The following ZDHHC17 variants were observed in gnomAD, a reference collection of about 807,000 sequenced individuals.
ZDHHC17 encodes palmitoyltransferase ZDHHC17.
ZDHHC17 carries 40 observed loss-of-function variants against 90.3 expected under a neutral mutation model. That is an observed-to-expected ratio of 0.44 (90% CI 0.34 to 0.58). The LOEUF (loss-of-function observed/expected upper bound fraction) is 0.58, where lower values mean the gene tolerates loss of function less well. ZDHHC17 is among the 20% of genes least tolerant of loss of function. The pLI, the probability that ZDHHC17 is intolerant of heterozygous loss-of-function variation, is 0.01. For synonymous variants in ZDHHC17, 235 were observed against 252.4 expected, an observed-to-expected ratio of 0.93 and a Z score of 0.65; for missense variants, 614 against 780.8, an observed-to-expected ratio of 0.79 and a Z score of 2.55.
chr12:76,848,158 G>A, intron 14 of ZDHHC17, 75 bp from the exon 15 acceptor site: 1 of 1,500,412 alleles, frequency 6.7e-7, no homozygotes, highest in Non-Finnish European at 9.1e-7. Context: ...TTTCTAAATG[G>A]TGCCAGCACA....
At chr12:76,802,389 C>T (rs553523477) in intron 2 of ZDHHC17, among the ~76,000 whole-genome samples, 6 of 152,298 alleles carry the variant, frequency 3.9e-5, no homozygotes, top group African/African-American at 1.4e-4. Context: ...CTGTCTTTGT[C>T]TTTCAAAAGT....
rs182741019 is a variant in ZDHHC17 at position 76,813,017 on chromosome 12, A to G, written c.544-2129A>G. 1.3e-5 allele frequency among the ~76,000 whole-genome samples: 2 copies of G among 152,228 alleles called. 1 individual carries two copies. Among genetic ancestry groups the G allele is most frequent in the African/African-American group, 4.8e-5 (2 of 41,564 alleles). On this transcript the variant is annotated intron_variant, in intron 5 of 16. Coordinates refer to ENST00000426126, the MANE Select transcript of ZDHHC17 (RefSeq NM_015336.4). ...CCAAGTTTTAAATCCCGACCCAAAG[A>G]GAGAAAAGGTTGAATTTCATTTTTC...
intron 1 of ZDHHC17, among the ~76,000 whole-genome samples, chr12:76,778,869 C>G (rs143037515): frequency 3.0e-4 from 46 of 152,242 alleles, no homozygotes; most frequent in African/African-American, 1.1e-3. Flanking sequence ...GTTTTGGAGG[C>G]TAGAAGTCCA....
At chr12:76,783,161 G>A (rs1952646570) in intron 1 of ZDHHC17, among the ~76,000 whole-genome samples, 1 of 152,170 alleles carries the variant, frequency 6.6e-6, no homozygotes. Flanking sequence ...AGAGCCCAAG[G>A]TTAGGTTTCT....
In ZDHHC17 at chr12:76,850,854, T is replaced by C. The variant is rs1953558255; in HGVS notation, c.1768T>C (p.Cys590Arg). The change falls in exon 17 of 17, where the codon TGT becomes CGT. Residue 590 changes from cysteine to arginine, a missense_variant. Coordinates refer to ENST00000426126, the MANE Select transcript of ZDHHC17 (RefSeq NM_015336.4). ...TTGGGGTGCTGTTTTTAGCCATGGATGTGTAAGAAATATTATAGACTTCTT... is the reference window on the plus strand; with the variant it reads ...TTGGGGTGCTGTTTTTAGCCATGGACGTGTAAGAAATATTATAGACTTCTT... ...TSIESPFNHG[C>R]VRNIIDFFEF... 1 of 1,613,640 alleles carries C rather than the reference T, an allele frequency of 6.2e-7. No individual in the cohort carries two copies. The highest frequency in any genetic ancestry group is 8.5e-7 in the Non-Finnish European group (1 of 1,179,802).
At chr12:76,801,268 A>G (rs751131906) in intron 2 of ZDHHC17, among the ~76,000 whole-genome samples, 14 of 151,284 alleles carry the variant, frequency 9.3e-5, no homozygotes, top group South Asian at 2.1e-4. Flanking sequence ...GTTTAGTTCA[A>G]TTTTTGTAGT....
chr12:76,764,896 T>TA, intron 1 of ZDHHC17: 1 of 455,404 alleles, frequency 2.2e-6, no homozygotes, highest in East Asian at 6.9e-5. Flanking sequence ...AGAAGAGAGG[T>TA]AAAAACTTTT....
chr12:76,804,248 G>T (rs1292188705), intron 2 of ZDHHC17, among the ~76,000 whole-genome samples: 2 of 152,148 alleles, frequency 1.3e-5, no homozygotes, highest in African/African-American at 4.8e-5. Context: ...TGTGTGAGGG[G>T]ACTAGCACAG....
intron 1 of ZDHHC17, among the ~76,000 whole-genome samples, chr12:76,775,024 C>T (rs964000296): frequency 1.3e-5 from 2 of 152,190 alleles, no homozygotes; most frequent in East Asian, 1.9e-4. Flanking sequence ...AGGTGGGTTT[C>T]GCCATGTTGG....
At chr12:76,823,515 A>G (rs1953191061) in intron 8 of ZDHHC17, among the ~76,000 whole-genome samples, 1 of 152,216 alleles carries the variant, frequency 6.6e-6, no homozygotes, top group Non-Finnish European at 1.5e-5. Context: ...GAGTTTCTTT[A>G]TGTACCTAAA....
chr12:76,816,763 A>G (rs541577504), intron 7 of ZDHHC17, among the ~76,000 whole-genome samples: 4 of 152,200 alleles, frequency 2.6e-5, no homozygotes, highest in African/African-American at 9.6e-5. Context: ...GAGGAGAAGG[A>G]TAAACTTCTA....
At chr12:76,768,848 C>G (rs1227686951) in intron 1 of ZDHHC17, among the ~76,000 whole-genome samples, 2 of 152,122 alleles carry the variant, frequency 1.3e-5, no homozygotes, top group Non-Finnish European at 2.9e-5. Flanking sequence ...TTATCTAGGG[C>G]TTTCATCTCT....
intron 16 of ZDHHC17, chr12:76,849,796 T>C (rs1953541230): frequency 6.0e-6 from 1 of 167,646 alleles, no homozygotes; most frequent in Non-Finnish European, 1.3e-5. Flanking sequence ...TCAGCTTTTG[T>C]GGTGCTGTCA....
At chr12:76,764,354 C>A in intron 1 of ZDHHC17, 25 bp downstream of exon 1, 1 of 1,554,534 alleles carries the variant, frequency 6.4e-7, no homozygotes, top group East Asian at 2.4e-5. Flanking sequence ...TGAGTGGATT[C>A]CTTGCCCTGC....
chr12:76,819,329 T>C (rs1208257862), intron 7 of ZDHHC17, among the ~76,000 whole-genome samples: 3 of 152,216 alleles, frequency 2.0e-5, no homozygotes, highest in African/African-American at 7.2e-5. Flanking sequence ...AAAAAATACC[T>C]AGAATATTTG....
rs560680204 is a variant in ZDHHC17, at chr12:76,852,146, A to T, written c.*1161A>T. The T allele has an allele frequency of 2.6e-5, 4 of 152,648 alleles. No homozygotes were observed. Among genetic ancestry groups the T allele is most frequent in the African/African-American group, 9.6e-5 (4 of 41,464 alleles). 9.5% of individuals were successfully genotyped at this position (152,648 alleles called of 1,614,324 possible). A position where few individuals can be genotyped will look rare whatever the true frequency, so the allele number is the denominator to read the frequency against. ...TTTGTTAAATGTGATGCACTGATCA[A>T]TTTTTGTCACAGCATTTTCATACCT... On this transcript the variant is annotated 3_prime_UTR_variant, in exon 17 of 17. Transcript: ENST00000426126.
chr12:76,772,728 G>A (rs1368785663), intron 1 of ZDHHC17, among the ~76,000 whole-genome samples: 1 of 135,824 alleles, frequency 7.4e-6, no homozygotes, highest in Non-Finnish European at 1.6e-5. Context: ...TTTTTTTTTA[G>A]TAGAGACAGG....
intron 1 of ZDHHC17, among the ~76,000 whole-genome samples, chr12:76,772,825 G>A (rs1218249169): frequency 1.3e-5 from 2 of 151,522 alleles, no homozygotes; most frequent in South Asian, 2.1e-4. Flanking sequence ...GATTACAGGC[G>A]TGAGCCACCG....
intron 2 of ZDHHC17, among the ~76,000 whole-genome samples, chr12:76,800,324 A>G (rs12582744): frequency 2.0e-5 from 3 of 152,224 alleles, no homozygotes; most frequent in East Asian, 1.9e-4. Context: ...ATTTTGATAC[A>G]TAAGTTCAAT....
Sources: allele counts gnomAD v4.1 joint callset (sites outside exome capture counted in the v4.1 genomes callset), GRCh38; gene constraint gnomAD v4.1.1; transcripts MANE v1.5; gene names NCBI Gene and HGNC (gene_info 2026-07-23, HGNC 2026-07-21).